Variants in ALMS1 observed in about 807,000 individuals in gnomAD.
ALMS1 encodes the protein ALMS1 centrosome and basal body associated protein, also known as centrosome-associated protein ALMS1.
A neutral mutation model predicts 352.2 loss-of-function variants in ALMS1; 271 were observed. The ratio of observed to expected loss-of-function variants is 0.77; its 90% CI spans 0.70 to 0.85. The LOEUF is 0.85. ALMS1 is among the 40% of genes least tolerant of loss of function. ALMS1 has a pLI of 0.00. For synonymous variants in ALMS1, 1,865 were observed against 1,761.2 expected (o/e 1.06, Z -1.48); for missense variants, 5,445 against 4,870.7 (o/e 1.12, Z -3.51).
chr2:73,419,355 A>C, intron 3 of ALMS1, 37 bp downstream of exon 3: 4 of 1,594,302 alleles, frequency 2.5e-6, no homozygotes, highest in African/African-American at 1.3e-5. Flanking sequence ...GTAATACCTC[A>C]CATTTGTAAG....
chr2:73,546,195 G>A (rs1033234780), intron 12 of ALMS1, among the ~76,000 whole-genome samples: 1 of 152,150 alleles, frequency 6.6e-6, no homozygotes, highest in Non-Finnish European at 1.5e-5. Flanking sequence ...CATTTAAAAT[G>A]TATCTCTACT....
intron 16 of ALMS1, among the ~76,000 whole-genome samples, chr2:73,574,705 T>G (rs1482891841): frequency 6.6e-6 from 1 of 152,200 alleles, no homozygotes; most frequent in African/African-American, 2.4e-5. Flanking sequence ...GTAAGGCTTT[T>G]GTTCCATAGG....
chr2:73,446,077 C>T (rs1047164055), intron 7 of ALMS1, among the ~76,000 whole-genome samples: 2 of 152,152 alleles, frequency 1.3e-5, no homozygotes, highest in Admixed American at 1.3e-4. Flanking sequence ...TTATATAGAA[C>T]TGACAAGAAT....
intron 10 of ALMS1, among the ~76,000 whole-genome samples, chr2:73,506,304 G>GT (rs71384502): frequency 1.1e-4 from 16 of 152,288 alleles, no homozygotes; most frequent in Non-Finnish European, 2.1e-4. Flanking sequence ...CTTTAAAGTA[G>GT]TTTTTTCTAA....
chr2:73,497,132 A>G (rs1673125505), intron 10 of ALMS1, among the ~76,000 whole-genome samples: 1 of 152,162 alleles, frequency 6.6e-6, no homozygotes, highest in Non-Finnish European at 1.5e-5. Context: ...CACTTAAAAA[A>G]TATGCTCCTT....
chr2:73,448,354 C>A lies in ALMS1; in HGVS notation c.1827C>A (p.Asp609Glu), dbSNP rs1227371454. The A allele has an allele frequency of 2.5e-6, 4 of 1,613,968 alleles. No homozygotes were observed. The East Asian group carries it at 8.9e-5, about 36-fold the overall frequency. Reference sequence around the variant, plus strand: ...TTTCAGCTGCTCCTGGACTAGCTGACCAGACAACTGGCATGTCAACTCTAA... The same window carrying A: ...TTTCAGCTGCTCCTGGACTAGCTGAACAGACAACTGGCATGTCAACTCTAA... ...LKVSAAPGLA[D>E]QTTGMSTLTS... Residue 609 changes from aspartate to glutamate, a missense_variant, in exon 8 of 23, where the codon GAC (aspartate) becomes GAA (glutamate). Coordinates refer to ENST00000613296, the MANE Select transcript of ALMS1 (RefSeq NM_001378454.1).
intron 11 of ALMS1, among the ~76,000 whole-genome samples, chr2:73,529,354 T>C (rs561455467): frequency 3.3e-5 from 5 of 152,292 alleles, no homozygotes; most frequent in Admixed American, 6.5e-5. Context: ...AAAACAGATA[T>C]TTTTGAATTC....
Position 73,452,679 on chromosome 2 carries a change from C to A in ALMS1, c.6152C>A (p.Thr2051Lys), listed in dbSNP as rs866777625. 6.2e-7 allele frequency: 1 copy of A among 1,613,866 alleles called. No homozygotes were observed. The highest frequency in any genetic ancestry group is 1.1e-5 in the South Asian group (1 of 91,076). The change falls in exon 8 of 23, where the codon ACA becomes AAA. Residue 2051 changes from threonine (T) to lysine (K), a missense_variant. By Grantham distance (78) the Thr-to-Lys change is moderately conservative. Transcript: ENST00000613296. ...GCTTTTCATAGTTCCTATTCTCAAA[C>A]AGTAAAGCCCAATATTTTATTTCAA... ...QTAFHSSYSQ[T>K]VKPNILFQQQ... is the part of the protein sequence containing the mutation.
Position 73,602,337 on chromosome 2 carries a change from C to T in ALMS1, c.12267C>T (p.His4089=). ...LFNIDRERQG[H]QNRMCPLPKR... Reference sequence around the variant, plus strand: ...ACATTGACAGGGAACGGCAGGGCCACCAGAATCGCATGTGCCCGCTGCCCA... The same window carrying T: ...ACATTGACAGGGAACGGCAGGGCCATCAGAATCGCATGTGCCCGCTGCCCA... Residue 4089 remains histidine, a synonymous_variant, in exon 20 of 23, where the codon CAC becomes CAT. Coordinates refer to ENST00000613296, the MANE Select transcript of ALMS1 (RefSeq NM_001378454.1). 1 of 1,614,178 alleles carries T rather than the reference C, an allele frequency of 6.2e-7. No individual in the cohort carries two copies. Among genetic ancestry groups the T allele is most frequent in the Non-Finnish European group, 8.5e-7 (1 of 1,180,006 alleles).
intron 9 of ALMS1, chr2:73,470,540 G>A (rs915057342): frequency 1.3e-5 from 2 of 151,684 alleles, no homozygotes; most frequent in African/African-American, 4.8e-5. Context: ...AAAAAGGTTG[G>A]TATCATTTCA....
In ALMS1 at chr2:73,490,468, C is replaced by G; in HGVS notation, c.8509C>G (p.Gln2837Glu). Residue 2837 changes from glutamine to glutamate, a missense_variant, in exon 10 of 23, where the codon CAG becomes GAG. By Grantham distance (29) the Gln-to-Glu change is conservative. Coordinates refer to ENST00000613296, the MANE Select transcript of ALMS1 (RefSeq NM_001378454.1). ...RANCSNFKEI[Q>E]ISDNHTLISM... is the part of the protein sequence containing the mutation. ...AAATTGTAGCAATTTCAAGGAAATT[C>G]AGATTTCTGATAACCATACCCTTAT... 2 of 1,614,142 alleles carry G rather than the reference C, an allele frequency of 1.2e-6. No homozygotes were observed. Among genetic ancestry groups the G allele is most frequent in the Non-Finnish European group, 8.5e-7 (1 of 1,180,044 alleles).
intron 12 of ALMS1, among the ~76,000 whole-genome samples, chr2:73,537,711 T>C (rs1055039306): frequency 6.6e-6 from 1 of 152,168 alleles, no homozygotes; most frequent in Admixed American, 6.5e-5. Context: ...CGCATTGTAT[T>C]ACTTAAATGT....
intron 9 of ALMS1, chr2:73,462,852 G>C (rs1423622818): frequency 6.6e-6 from 1 of 151,996 alleles, no homozygotes; most frequent in Non-Finnish European, 1.5e-5. Flanking sequence ...GATCAAAAGA[G>C]ACAAAGAAGG....
At position 73,600,808 on chromosome 2, in the gene ALMS1, T is replaced by C; in HGVS notation, c.11799T>C (p.Arg3933=). The C allele has an allele frequency of 6.2e-7, 1 of 1,614,172 alleles. No individual in the cohort carries two copies. The highest frequency in any genetic ancestry group is 8.5e-7 in the Non-Finnish European group (1 of 1,180,006). ...SDVTSWSEEK[R]EEKMLFTGYP... ...TGACTTCTTGGTCAGAAGAAAAACGTGAAGAGAAAATGCTCTTTACCGGTT... is the reference window on the plus strand; with the variant it reads ...TGACTTCTTGGTCAGAAGAAAAACGCGAAGAGAAAATGCTCTTTACCGGTT... Residue 3933 remains arginine, a synonymous_variant, in exon 18 of 23, where the codon CGT becomes CGC. Transcript: ENST00000613296.
chr2:73,584,564 CTG>C (rs1675266486), intron 16 of ALMS1, among the ~76,000 whole-genome samples: 1 of 152,150 alleles, frequency 6.6e-6, no homozygotes. Context: ...TAATTCAAAA[CTG>C]TTAATTTTGC....
rs185294158 is a variant in ALMS1, at chr2:73,526,649, C to A, written c.9781+6633C>A. On this transcript the variant is annotated intron_variant, in intron 11 of 22. Transcript: ENST00000613296. ...GTATGTTCATTTTTGTATTCTGCAA[C>A]TTTACTGAATTTATTGATTGTGGAG... Among the ~76,000 whole-genome samples the A allele has an allele frequency of 1.3e-3, 204 of 152,112 alleles. 1 individual carries two copies. The highest frequency in any genetic ancestry group is 3.4e-3 in the Middle Eastern group (1 of 294).
intron 12 of ALMS1, among the ~76,000 whole-genome samples, chr2:73,536,750 A>G (rs1674037808): frequency 6.6e-6 from 1 of 152,222 alleles, no homozygotes; most frequent in Non-Finnish European, 1.5e-5. Context: ...GAACTGATGC[A>G]AACAACGACG....
chr2:73,458,360 C>T (rs115873107), intron 9 of ALMS1: 50 of 152,236 alleles, frequency 3.3e-4, no homozygotes, highest in African/African-American at 1.1e-3. Flanking sequence ...ACAATTTATT[C>T]ACTACCCTAC....
At chr2:73,559,537 T>A (rs922441980) in intron 15 of ALMS1, among the ~76,000 whole-genome samples, 2 of 152,156 alleles carry the variant, frequency 1.3e-5, no homozygotes, top group African/African-American at 4.8e-5. Context: ...AAATCACATT[T>A]ATTTTTGTTT....
Sources: gnomAD v4.1 joint callset for allele counts (sites outside exome capture counted in the v4.1 genomes callset) on GRCh38, gnomAD v4.1.1 for gene constraint, MANE v1.5 for transcripts, NCBI Gene and HGNC (gene_info 2026-07-23, HGNC 2026-07-21) for gene names.